EYA4: variants seen among roughly 807,000 people sequenced by gnomAD.
The protein encoded by EYA4 is EYA transcriptional coactivator and phosphatase 4.
A neutral mutation model predicts 87.9 loss-of-function variants in EYA4; 31 were observed. The observed-to-expected ratio is 0.35, with a 90% CI of 0.27 to 0.48. The LOEUF is 0.48. Ranked by LOEUF, EYA4 falls within the 20% of genes least tolerant of loss-of-function variation. The probability of loss-of-function intolerance (pLI) is 0.99; values close to 1 mark genes in which losing one functional copy is unlikely to be tolerated. For synonymous variants in EYA4, 263 were observed against 270.6 expected (o/e 0.97, Z 0.28); for missense variants, 678 against 761.4 (o/e 0.89, Z 1.29).
At chr6:133,382,142 G>A (rs973707189) in intron 2 of EYA4, among the ~76,000 whole-genome samples, 1 of 152,082 alleles carries the variant, frequency 6.6e-6, no homozygotes, top group African/African-American at 2.4e-5. Flanking sequence ...TTTGTTCCTG[G>A]TTAGGCTTAT....
chr6:133,292,862 A>G (rs551453254), intron 2 of EYA4, among the ~76,000 whole-genome samples: 1 of 152,352 alleles, frequency 6.6e-6, no homozygotes, highest in Admixed American at 6.5e-5. Flanking sequence ...TTGAAGAGCA[A>G]GTAGAGATCA....
At chr6:133,381,925 A>G (rs1476625071) in intron 2 of EYA4, among the ~76,000 whole-genome samples, 1 of 152,232 alleles carries the variant, frequency 6.6e-6, no homozygotes, top group Non-Finnish European at 1.5e-5. Flanking sequence ...TGAGACATAT[A>G]TAAAACATAC....
At chr6:133,490,366 A>T (rs1473699358) in intron 13 of EYA4, among the ~76,000 whole-genome samples, 2 of 151,498 alleles carry the variant, frequency 1.3e-5, no homozygotes, top group African/African-American at 4.9e-5. Context: ...GAAAAGACAT[A>T]GAGTGGCTGA....
At chr6:133,359,920 A>T (rs1437348479) in intron 2 of EYA4, among the ~76,000 whole-genome samples, 9 of 152,164 alleles carry the variant, frequency 5.9e-5, no homozygotes, top group Non-Finnish European at 1.0e-4. Flanking sequence ...ACCCAAGCTG[A>T]ACTTAACAAA....
chr6:133,312,127 G>C (rs2128334848), intron 2 of EYA4, among the ~76,000 whole-genome samples: 1 of 152,208 alleles, frequency 6.6e-6, no homozygotes, highest in East Asian at 1.9e-4. Flanking sequence ...GAATATGCAG[G>C]GAGGGGGTTT....
chr6:133,439,049 C>CAGAAAAAAAAAAAAAAA (rs1791994472), intron 3 of EYA4, among the ~76,000 whole-genome samples: 1 of 64,024 alleles, frequency 1.6e-5, no homozygotes, highest in Non-Finnish European at 2.6e-5. Context: ...GACTCCGTCT[C>CAGAAAAAAAAAAAAAAA]AAAAAAAAAA....
chr6:133,455,743 A>T (rs1793843573), intron 5 of EYA4, among the ~76,000 whole-genome samples: 1 of 152,162 alleles, frequency 6.6e-6, no homozygotes, highest in South Asian at 2.1e-4. Flanking sequence ...CTGCTATGAT[A>T]TATGTAGTAA....
intron 2 of EYA4, among the ~76,000 whole-genome samples, chr6:133,284,071 C>G (rs1005627862): frequency 6.6e-6 from 1 of 152,176 alleles, no homozygotes; most frequent in Non-Finnish European, 1.5e-5. Flanking sequence ...GATTTTCAGA[C>G]CCTTCGGTCA....
intron 3 of EYA4, among the ~76,000 whole-genome samples, chr6:133,406,897 GTTAC>G (rs986610666): frequency 6.6e-5 from 10 of 152,192 alleles, no homozygotes; most frequent in Admixed American, 3.9e-4. Flanking sequence ...TAAAATTAAA[GTTAC>G]TTATAGAGAA....
chr6:133,244,357 T>A (rs960593345), intron 1 of EYA4, among the ~76,000 whole-genome samples: 3 of 152,232 alleles, frequency 2.0e-5, no homozygotes, highest in East Asian at 1.9e-4. Flanking sequence ...CTCACATATA[T>A]GTATGTACTC....
At chr6:133,262,839 C>T (rs1437084086) in intron 1 of EYA4, among the ~76,000 whole-genome samples, 5 of 152,152 alleles carry the variant, frequency 3.3e-5, no homozygotes, top group Non-Finnish European at 1.5e-5. Flanking sequence ...TAGGTTGGCT[C>T]CATTTAAGGA....
intron 3 of EYA4, among the ~76,000 whole-genome samples, chr6:133,434,684 T>C (rs1562416483): frequency 6.6e-6 from 1 of 152,222 alleles, no homozygotes; most frequent in Non-Finnish European, 1.5e-5. Flanking sequence ...CCTTCAGAAC[T>C]GGAAATCTGA....
chr6:133,286,249 A>C (rs1778052008), intron 2 of EYA4, among the ~76,000 whole-genome samples: 1 of 152,186 alleles, frequency 6.6e-6, no homozygotes, highest in African/African-American at 2.4e-5. Context: ...GGGGAGTGTT[A>C]ACCAACTAAG....
At position 133,385,550 on chromosome 6, in the gene EYA4, G is replaced by A. The variant is rs113615564; in HGVS notation, c.83+3109G>A. Among the ~76,000 whole-genome samples, 1,152 of 151,880 alleles carry A rather than the reference G, an allele frequency of 7.6e-3. 14 individuals carry two copies. Among genetic ancestry groups the A allele is most frequent in the African/African-American group, 0.027 (1,098 of 41,408 alleles). On this transcript the variant is annotated intron_variant, in intron 3 of 19. Coordinates refer to ENST00000355286, the MANE Select transcript of EYA4 (RefSeq NM_004100.5). ...GAACTCAAAGTGAAATACTGTATCC[G>A]CATAAAATGTGAGCCAGAGAACTAC...
intron 13 of EYA4, among the ~76,000 whole-genome samples, chr6:133,500,075 T>C (rs1310917113): frequency 6.6e-6 from 1 of 151,138 alleles, no homozygotes; most frequent in East Asian, 1.9e-4. Context: ...TGTGCATTTC[T>C]AACAGTTTCC....
chr6:133,462,239 T>C, intron 7 of EYA4, 96 bp from the exon 8 acceptor site: 1 of 1,305,680 alleles, frequency 7.7e-7, no homozygotes, highest in South Asian at 1.2e-5. Flanking sequence ...TAAAGAGGAT[T>C]ACTTCCTGGA....
At chr6:133,337,869 C>T (rs1404047524) in intron 2 of EYA4, among the ~76,000 whole-genome samples, 1 of 152,116 alleles carries the variant, frequency 6.6e-6, no homozygotes. Context: ...TTTACGCTGC[C>T]GATGTCAGCA....
chr6:133,467,189 A>G (rs1794927168), intron 10 of EYA4, among the ~76,000 whole-genome samples: 1 of 152,078 alleles, frequency 6.6e-6, no homozygotes, highest in Non-Finnish European at 1.5e-5. Context: ...CCAGTATGTA[A>G]CCTCATCCTC....
chr6:133,297,612 A>G (rs761704796), intron 2 of EYA4, among the ~76,000 whole-genome samples: 1 of 152,250 alleles, frequency 6.6e-6, no homozygotes, highest in Non-Finnish European at 1.5e-5. Flanking sequence ...CAGGGCAAAC[A>G]CAGCCTGTGC....
Sources: gnomAD v4.1 joint callset for allele counts (sites outside exome capture counted in the v4.1 genomes callset) on GRCh38, gnomAD v4.1.1 for gene constraint, MANE v1.5 for transcripts, NCBI Gene and HGNC (gene_info 2026-07-23, HGNC 2026-07-21) for gene names.